Variants in PDE7B observed in about 807,000 individuals in gnomAD.
PDE7B encodes 3',5'-cyclic-AMP phosphodiesterase 7B.
In PDE7B, 29 loss-of-function variants were observed where a neutral mutation model predicts 56.2. The observed-to-expected ratio is 0.52, with a 90% CI of 0.38 to 0.70. PDE7B has a LOEUF of 0.70. PDE7B is among the 30% of genes least tolerant of loss of function. The probability of loss-of-function intolerance (pLI) is 0.00; values close to 1 mark genes in which losing one functional copy is unlikely to be tolerated. For missense variants in PDE7B, 490 were observed against 565.0 expected, an observed-to-expected ratio of 0.87 and a Z score of 1.35; for synonymous variants, 197 against 196.9, an observed-to-expected ratio of 1.00 and a Z score of 0.00.
At chr6:136,150,718 GGAA>G (rs767273191) in intron 5 of PDE7B, among the ~76,000 whole-genome samples, 1 of 152,100 alleles carries the variant, frequency 6.6e-6, no homozygotes, top group Non-Finnish European at 1.5e-5. Context: ...ATTTTCCATA[GGAA>G]GAAGAATAGG....
At chr6:136,002,462 C>T (rs143316691) in intron 2 of PDE7B, among the ~76,000 whole-genome samples, 1,677 of 152,202 alleles carry the variant, frequency 0.011, 23 homozygotes, top group East Asian at 0.028. Context: ...ACCCATCTCA[C>T]GTGCAGAGAC....
Position 136,147,349 on chromosome 6 carries a change from A to G in PDE7B, c.167-2A>G. 2 of 1,600,466 alleles carry G rather than the reference A, an allele frequency of 1.2e-6. No individual in the cohort carries two copies. Among genetic ancestry groups the G allele is most frequent in the South Asian group, 2.2e-5 (2 of 89,548 alleles). On this transcript the variant is annotated splice_acceptor_variant, in intron 3 of 12. Coordinates refer to ENST00000308191, the MANE Select transcript of PDE7B (RefSeq NM_018945.4). LOFTEE classifies it high-confidence loss of function. ...ATTTCTTGACTTGATGACTTTCCAC[A>G]GGTACAACATACTCAGGGGAGATTG... is the stretch of plus-strand genomic sequence containing the variant.
chr6:135,927,178 C>T (rs1337962296), intron 1 of PDE7B, among the ~76,000 whole-genome samples: 2 of 152,038 alleles, frequency 1.3e-5, no homozygotes, highest in East Asian at 3.9e-4. Context: ...TTTTTATGCT[C>T]CCTATGCTTT....
At chr6:136,164,680 A>G (rs1778765782) in intron 8 of PDE7B, among the ~76,000 whole-genome samples, 1 of 152,208 alleles carries the variant, frequency 6.6e-6, no homozygotes, top group Non-Finnish European at 1.5e-5. Context: ...TTAAAATCAA[A>G]TTTCAATTTA....
rs189826328 is a variant in PDE7B at position 136,006,438 on chromosome 6, G to A, written c.82+58914G>A. Among the ~76,000 whole-genome samples, 4 of 152,014 alleles carry A rather than the reference G, an allele frequency of 2.6e-5. No individual in the cohort carries two copies. The East Asian group carries it at 7.7e-4, about 29-fold the overall frequency. ...ATGAATTTTTAAATCATTTTTTCTG[G>A]TTCTGTGAAGAATGTCATTTGTAGT... is the stretch of plus-strand genomic sequence containing the variant. On this transcript the variant is annotated intron_variant, in intron 2 of 12. Coordinates refer to ENST00000308191, the MANE Select transcript of PDE7B (RefSeq NM_018945.4).
chr6:136,001,388 G>T (rs1286580196), intron 2 of PDE7B, among the ~76,000 whole-genome samples: 1 of 152,176 alleles, frequency 6.6e-6, no homozygotes. Context: ...TGCTTCAGAC[G>T]ATCAAACTAC....
chr6:136,189,593 C>CA (rs35447371), intron 12 of PDE7B, among the ~76,000 whole-genome samples: 1 of 151,546 alleles, frequency 6.6e-6, no homozygotes, highest in East Asian at 1.9e-4. Flanking sequence ...TTAATTAAAA[C>CA]AAAAAAAGGT....
intron 2 of PDE7B, chr6:136,095,994 C>A (rs936562805): frequency 2.0e-5 from 3 of 152,164 alleles, no homozygotes; most frequent in Non-Finnish European, 4.4e-5. Flanking sequence ...ACTTCCCTAC[C>A]AAGTCTAGGT....
intron 1 of PDE7B, among the ~76,000 whole-genome samples, chr6:135,891,694 T>G (rs915041139): frequency 1.3e-5 from 2 of 152,174 alleles, no homozygotes; most frequent in African/African-American, 4.8e-5. Context: ...GGCATATGAA[T>G]TTTGAAAAAG....
At chr6:135,922,558 T>G (rs560683839) in intron 1 of PDE7B, among the ~76,000 whole-genome samples, 1 of 152,170 alleles carries the variant, frequency 6.6e-6, no homozygotes, top group Non-Finnish European at 1.5e-5. Flanking sequence ...AATTACCATA[T>G]TGGAGAGGAG....
chr6:135,916,270 T>G (rs1202881336), intron 1 of PDE7B, among the ~76,000 whole-genome samples: 5 of 152,148 alleles, frequency 3.3e-5, no homozygotes, highest in Non-Finnish European at 7.4e-5. Flanking sequence ...GGGTGTGTGG[T>G]GGTTTTAATT....
At chr6:136,137,416 C>T (rs1418004752) in intron 3 of PDE7B, among the ~76,000 whole-genome samples, 3 of 152,016 alleles carry the variant, frequency 2.0e-5, no homozygotes, top group Admixed American at 6.6e-5. Context: ...GACTGATGCT[C>T]GAAAGTGCTA....
At chr6:135,949,159 T>A (rs1774651062) in intron 2 of PDE7B, among the ~76,000 whole-genome samples, 1 of 152,082 alleles carries the variant, frequency 6.6e-6, no homozygotes, top group Non-Finnish European at 1.5e-5. Context: ...CACTGAAATA[T>A]TATTTGATTG....
chr6:136,122,432 G>A (rs192890309), intron 3 of PDE7B, among the ~76,000 whole-genome samples: 226 of 152,282 alleles, frequency 1.5e-3, no homozygotes, highest in Non-Finnish European at 2.7e-3. Context: ...GAAAGAGTCA[G>A]TTTTTCCTGG....
intron 1 of PDE7B, among the ~76,000 whole-genome samples, chr6:135,922,924 T>C (rs1465796137): frequency 1.3e-5 from 2 of 152,174 alleles, no homozygotes; most frequent in African/African-American, 4.8e-5. Flanking sequence ...TGTTCCATCT[T>C]AGAATTTGGC....
chr6:135,919,609 A>C (rs1020281079), intron 1 of PDE7B, among the ~76,000 whole-genome samples: 2 of 152,236 alleles, frequency 1.3e-5, no homozygotes, highest in Admixed American at 1.3e-4. Flanking sequence ...TAGGCAAAGC[A>C]TACTATATTT....
At chr6:136,054,309 G>T (rs1319892401) in intron 2 of PDE7B, among the ~76,000 whole-genome samples, 1 of 152,086 alleles carries the variant, frequency 6.6e-6, no homozygotes, top group African/African-American at 2.4e-5. Flanking sequence ...TATTAAATAG[G>T]GAATCGTTTC....
At chr6:136,138,969 TTTG>T (rs1474379883) in intron 3 of PDE7B, among the ~76,000 whole-genome samples, 12 of 152,228 alleles carry the variant, frequency 7.9e-5, no homozygotes, top group South Asian at 2.1e-4. Flanking sequence ...ACTGGATTTT[TTTG>T]TTGTTTTTTA....
At chr6:135,897,263 GGT>G (rs3037814) in intron 1 of PDE7B, among the ~76,000 whole-genome samples, 89,773 of 149,808 alleles carry the variant, frequency 0.6, 26,673 homozygotes, top group East Asian at 0.69. Context: ...ATTGTGTCAG[GGT>G]GTGTGTGTGT....
Sources: gnomAD v4.1 joint callset for allele counts (sites outside exome capture counted in the v4.1 genomes callset) on GRCh38, gnomAD v4.1.1 for gene constraint, MANE v1.5 for transcripts, NCBI Gene and HGNC (gene_info 2026-07-23, HGNC 2026-07-21) for gene names.